Variants in TCF12 observed in about 807,000 individuals in gnomAD.
TCF12 encodes the protein transcription factor 12, also known as DNA-binding protein HTF4.
Under a neutral mutation model 86.0 loss-of-function variants are expected in TCF12, and 45 were observed. The observed-to-expected ratio is 0.52, with a 90% CI of 0.41 to 0.67. TCF12 has a LOEUF of 0.67. Among genes scored for constraint, TCF12 ranks in the 30% least tolerant of loss-of-function variants. The pLI, the probability that TCF12 is intolerant of heterozygous loss-of-function variation, is 0.00. For missense variants in TCF12, 881 were observed against 859.9 expected, an observed-to-expected ratio of 1.02 and a Z score of -0.31; for synonymous variants, 330 against 299.6, an observed-to-expected ratio of 1.10 and a Z score of -1.05.
rs141705572 is a variant in TCF12 at position 57,184,000 on chromosome 15, A to G, written c.391-8158A>G. Among the ~76,000 whole-genome samples the G allele has an allele frequency of 3.7e-3, 556 of 152,238 alleles. 5 individuals are homozygous for G. Among genetic ancestry groups the G allele is most frequent in the African/African-American group, 0.012 (513 of 41,564 alleles). ...TCCTCTCTCAGCCCTTATTATGACT[A>G]CTATTTGATTTCTTTGAAGAAATAA... On this transcript the variant is annotated intron_variant, in intron 6 of 20. Coordinates refer to ENST00000333725, the MANE Select transcript of TCF12 (RefSeq NM_207037.2).
At chr15:56,997,185 C>G (rs1567224301) in intron 3 of TCF12, among the ~76,000 whole-genome samples, 1 of 152,182 alleles carries the variant, frequency 6.6e-6, no homozygotes, top group East Asian at 1.9e-4. Flanking sequence ...TATGTCCATT[C>G]TAACACTCTT....
chr15:57,064,795 C>CAAAAAAAAAAAAA (rs1177544594), intron 4 of TCF12, among the ~76,000 whole-genome samples: 87 of 78,038 alleles, frequency 1.1e-3, no homozygotes, highest in African/African-American at 3.5e-3. Flanking sequence ...GACTCCATCT[C>CAAAAAAAAAAAAA]AAAAAAAAAA....
chr15:56,991,801 T>A (rs1445660035), intron 3 of TCF12, among the ~76,000 whole-genome samples: 1 of 152,156 alleles, frequency 6.6e-6, no homozygotes, highest in Non-Finnish European at 1.5e-5. Context: ...CCCTTTTTTT[T>A]ATTTAGGGAA....
intron 3 of TCF12, among the ~76,000 whole-genome samples, chr15:57,009,349 A>C (rs565081585): frequency 2.0e-5 from 3 of 152,080 alleles, no homozygotes; most frequent in Non-Finnish European, 2.9e-5. Context: ...GGGCTCAAGC[A>C]GTCTGTCCTC....
chr15:56,961,863 C>T (rs1222391836), intron 3 of TCF12, among the ~76,000 whole-genome samples: 2 of 151,966 alleles, frequency 1.3e-5, no homozygotes, highest in African/African-American at 4.8e-5. Flanking sequence ...GTTTAATGGG[C>T]CGGGCGCGGT....
intron 3 of TCF12, among the ~76,000 whole-genome samples, chr15:57,022,416 G>C (rs562362053): frequency 6.6e-6 from 1 of 152,114 alleles, no homozygotes; most frequent in Non-Finnish European, 1.5e-5. Context: ...TTATGGCTGC[G>C]TAGTATTCCA....
chr15:57,076,994 TATTGTGTTTTATTG>T (rs1413715190), intron 4 of TCF12, among the ~76,000 whole-genome samples: 1 of 152,164 alleles, frequency 6.6e-6, no homozygotes, highest in African/African-American at 2.4e-5. Context: ...CTGGGCTCTG[TATTGTGTTTTATTG>T]ATTTTATCTT....
intron 3 of TCF12, among the ~76,000 whole-genome samples, chr15:57,048,569 T>G (rs1465978236): frequency 6.6e-6 from 1 of 152,138 alleles, no homozygotes; most frequent in Non-Finnish European, 1.5e-5. Flanking sequence ...CCTCCTCCAC[T>G]GAAGTTTTAA....
intron 3 of TCF12, among the ~76,000 whole-genome samples, chr15:56,983,415 A>G (rs2062990724): frequency 6.6e-6 from 1 of 152,194 alleles, no homozygotes; most frequent in Non-Finnish European, 1.5e-5. Flanking sequence ...AAATAATTAT[A>G]TAAACCTGTT....
chr15:56,918,897 G>A lies in TCF12; in HGVS notation c.-32G>A, dbSNP rs923468324. 1 of 152,602 alleles carries A rather than the reference G, an allele frequency of 6.6e-6. No individual in the cohort carries two copies. The highest frequency in any genetic ancestry group is 1.5e-5 in the Non-Finnish European group (1 of 68,292). 9.5% of individuals were successfully genotyped at this position (152,602 alleles called of 1,614,324 possible). On this transcript the variant is annotated 5_prime_UTR_variant, in exon 1 of 21. Transcript: ENST00000333725. The stretch of plus-strand genomic sequence containing the variant: ...AATCGGGGTGGTTGGATGCGGAGAC[G>A]GGGCGGCAGGTAATTGCGGGCTAGC...
In TCF12 at chr15:57,030,579, G is replaced by A. The variant is rs193300931; in HGVS notation, c.149-33171G>A. Among the ~76,000 whole-genome samples, 194 of 152,104 alleles carry A rather than the reference G, an allele frequency of 1.3e-3. 1 individual carries two copies. The highest frequency in any genetic ancestry group is 4.3e-3 in the African/African-American group (177 of 41,494). On this transcript the variant is annotated intron_variant, in intron 3 of 20. Transcript: ENST00000333725. ...TGTTTCTTATTTTGAAAGTAATCAC[G>A]TTCATTAGAAAGATTTTGGATATGT... is the stretch of plus-strand genomic sequence containing the variant.
intron 8 of TCF12, among the ~76,000 whole-genome samples, chr15:57,223,648 T>TTTTTTTTTTG (rs1362921144): frequency 7.8e-6 from 1 of 128,476 alleles, no homozygotes; most frequent in Non-Finnish European, 1.7e-5. Context: ...ATGAGGTTTT[T>TTTTTTTTTTG]TTTTTTTTTT....
At chr15:56,935,481 T>A (rs879271604) in intron 3 of TCF12, among the ~76,000 whole-genome samples, 13 of 151,932 alleles carry the variant, frequency 8.6e-5, no homozygotes, top group Non-Finnish European at 1.3e-4. Flanking sequence ...TTTAAAAAAA[T>A]TTTTTGTTTC....
intron 3 of TCF12, among the ~76,000 whole-genome samples, chr15:57,045,960 C>A (rs548298232): frequency 2.6e-5 from 4 of 152,174 alleles, no homozygotes; most frequent in Non-Finnish European, 5.9e-5. Flanking sequence ...CCAACTTAGA[C>A]CCAGCAACTT....
intron 5 of TCF12, 23 bp from the exon 6 acceptor site, chr15:57,166,379 A>C (rs914095327): frequency 2.9e-5 from 46 of 1,601,360 alleles, no homozygotes; most frequent in Non-Finnish European, 3.9e-5. Flanking sequence ...GTTTTATATA[A>C]AGTTAATTTC....
At chr15:57,094,178 A>G (rs2049168821) in intron 5 of TCF12, among the ~76,000 whole-genome samples, 2 of 152,136 alleles carry the variant, frequency 1.3e-5, no homozygotes, top group Non-Finnish European at 2.9e-5. Context: ...ATGAGCCACC[A>G]TGTCTGGCCC....
At chr15:57,157,500 G>A (rs1381445554) in intron 5 of TCF12, among the ~76,000 whole-genome samples, 3 of 151,224 alleles carry the variant, frequency 2.0e-5, no homozygotes, top group African/African-American at 7.3e-5. Context: ...GTTAAGAAAA[G>A]TGATTCCAAA....
chr15:57,043,303 G>C (rs1449548451), intron 3 of TCF12, among the ~76,000 whole-genome samples: 1 of 152,148 alleles, frequency 6.6e-6, no homozygotes, highest in African/African-American at 2.4e-5. Context: ...TAAGTATCCA[G>C]AAGTGGGATT....
At chr15:57,290,180 T>C (rs769539030), downstream of TCF12, among the ~76,000 whole-genome samples, 38 of 152,084 alleles carry the variant, frequency 2.5e-4, no homozygotes, top group Non-Finnish European at 4.6e-4. Flanking sequence ...CCGTGTCTAC[T>C]AAAAGTACAA....
Sources: allele counts gnomAD v4.1 joint callset (sites outside exome capture counted in the v4.1 genomes callset), GRCh38; gene constraint gnomAD v4.1.1; transcripts MANE v1.5; gene names NCBI Gene and HGNC (gene_info 2026-07-23, HGNC 2026-07-21).